Variants in AGBL1 observed in about 807,000 individuals in gnomAD.
The protein encoded by AGBL1 is cytosolic carboxypeptidase 4.
AGBL1 carries 130 observed loss-of-function variants against 118.9 expected under a neutral mutation model. The observed-to-expected ratio is 1.09, with a 90% CI of 0.95 to 1.26. The LOEUF (loss-of-function observed/expected upper bound fraction) is 1.26, where lower values mean the gene tolerates loss of function less well. Ranked by LOEUF, AGBL1 falls within the 50% of genes most tolerant of loss-of-function variation. AGBL1 has a pLI of 0.00. For synonymous variants in AGBL1, 555 were observed against 478.9 expected (o/e 1.16, Z -2.08); for missense variants, 1,584 against 1,298.1 (o/e 1.22, Z -3.38).
At chr15:86,182,913 C>G (rs1291258181) in intron 5 of AGBL1, among the ~76,000 whole-genome samples, 1 of 152,114 alleles carries the variant, frequency 6.6e-6, no homozygotes, top group Non-Finnish European at 1.5e-5. Context: ...AGGTCTATAC[C>G]CATAGCAAGA....
At chr15:86,750,679 G>A (rs1056498634) in intron 22 of AGBL1, among the ~76,000 whole-genome samples, 5 of 151,930 alleles carry the variant, frequency 3.3e-5, no homozygotes, top group Admixed American at 2.6e-4. Flanking sequence ...ACAAGTGCAG[G>A]TTTGTTGTGT....
intron 5 of AGBL1, among the ~76,000 whole-genome samples, chr15:86,209,243 G>T (rs1228858098): frequency 6.6e-6 from 1 of 152,276 alleles, no homozygotes; most frequent in African/African-American, 2.4e-5. Context: ...CAATTATGTG[G>T]TCTATTTTAG....
At chr15:86,634,474 AATTCT>A (rs1470560987) in intron 21 of AGBL1, among the ~76,000 whole-genome samples, 2 of 152,192 alleles carry the variant, frequency 1.3e-5, no homozygotes, top group Non-Finnish European at 2.9e-5. Context: ...CATAAAGCAC[AATTCT>A]ATTTATAGGA....
At chr15:86,789,791 G>C (rs1233246178) in intron 22 of AGBL1, among the ~76,000 whole-genome samples, 1 of 152,108 alleles carries the variant, frequency 6.6e-6, no homozygotes, top group Admixed American at 6.5e-5. Flanking sequence ...TCTGATGATA[G>C]GGAGCATAAG....
chr15:86,257,316 A>T (rs1347006148), intron 8 of AGBL1, among the ~76,000 whole-genome samples: 1 of 152,202 alleles, frequency 6.6e-6, no homozygotes, highest in African/African-American at 2.4e-5. Flanking sequence ...GTCTATTTAG[A>T]ATCCCATGAT....
chr15:86,143,686 G>A lies in AGBL1; in HGVS notation c.116-13G>A, dbSNP rs775468323. On this transcript the variant is annotated splice_polypyrimidine_tract_variant and intron_variant, in intron 2 of 22. Transcript: ENST00000614907. ...ATTACTTGTGGCTCATCTTTCCTCC[G>A]GTTTCCCCTCAGGCACAGACCGGAG... 5.1e-5 allele frequency: 82 copies of A among 1,611,894 alleles called. No individual in the cohort carries two copies. Among genetic ancestry groups the A allele is most frequent in the African/African-American group, 6.7e-5 (5 of 74,824 alleles).
intron 22 of AGBL1, among the ~76,000 whole-genome samples, chr15:86,858,309 T>G (rs1312161162): frequency 6.6e-6 from 1 of 152,146 alleles, no homozygotes; most frequent in Non-Finnish European, 1.5e-5. Flanking sequence ...TAAAACTCAG[T>G]GTCATGGGGC....
intron 24 of AGBL1, among the ~76,000 whole-genome samples, chr15:86,992,242 A>G (rs1056675408): frequency 6.6e-6 from 1 of 152,108 alleles, no homozygotes; most frequent in South Asian, 2.1e-4. Context: ...TACTGCCAGG[A>G]GGACACCAAG....
rs1321622223 is a variant in AGBL1 at position 86,392,922 on chromosome 15, A to G, written c.2375-4444A>G. ...ACTAAGACTGAGATTGTCAATTGCA[A>G]GAAAAAACCACATGGTATGTGTGGT... On this transcript the variant is annotated intron_variant, in intron 17 of 22. Transcript: ENST00000614907. Among the ~76,000 whole-genome samples the G allele has an allele frequency of 2.0e-5, 3 of 152,300 alleles. No homozygotes were observed. The East Asian group carries it at 5.8e-4, about 29-fold the overall frequency.
At chr15:86,975,558 G>T (rs1444110835) in intron 23 of AGBL1, among the ~76,000 whole-genome samples, 1 of 151,982 alleles carries the variant, frequency 6.6e-6, no homozygotes, top group Non-Finnish European at 1.5e-5. Flanking sequence ...TACAACTAAA[G>T]ACCCTGTCTC....
intron 1 of AGBL1, among the ~76,000 whole-genome samples, chr15:86,115,539 C>T (rs17592813): frequency 0.057 from 8,715 of 152,138 alleles, 390 homozygotes; most frequent in South Asian, 0.13. Flanking sequence ...TTGTAAAGGC[C>T]GGAGGTAGTG....
At chr15:86,616,576 T>C (rs753615440) in intron 21 of AGBL1, among the ~76,000 whole-genome samples, 3 of 152,136 alleles carry the variant, frequency 2.0e-5, no homozygotes, top group Non-Finnish European at 4.4e-5. Flanking sequence ...TTGTTATTGA[T>C]TTAACTTGCT....
intron 22 of AGBL1, among the ~76,000 whole-genome samples, chr15:86,762,733 T>C (rs1368292906): frequency 6.6e-6 from 1 of 152,004 alleles, no homozygotes; most frequent in East Asian, 1.9e-4. Context: ...GGTTTCTTTA[T>C]CTCTGAAAAC....
At chr15:86,124,179 A>G (rs763385835) in intron 1 of AGBL1, among the ~76,000 whole-genome samples, 8 of 151,972 alleles carry the variant, frequency 5.3e-5, no homozygotes, top group Non-Finnish European at 1.0e-4. Context: ...AAAATACAAA[A>G]TGTAGCGGGG....
intron 22 of AGBL1, among the ~76,000 whole-genome samples, chr15:86,772,154 C>A (rs2078191434): frequency 6.6e-6 from 1 of 151,986 alleles, no homozygotes; most frequent in African/African-American, 2.4e-5. Context: ...TGGGAAACCA[C>A]CTCTCCTCTA....
chr15:86,509,111 T>G (rs112405156), intron 18 of AGBL1, among the ~76,000 whole-genome samples: 14 of 152,276 alleles, frequency 9.2e-5, no homozygotes, highest in African/African-American at 1.9e-4. Context: ...AGATCCAGAC[T>G]TGAATGCACA....
At chr15:86,737,847 T>G (rs2077623619) in intron 22 of AGBL1, among the ~76,000 whole-genome samples, 1 of 152,192 alleles carries the variant, frequency 6.6e-6, no homozygotes, top group African/African-American at 2.4e-5. Context: ...TAAATGGGCT[T>G]CATGAAATTA....
chr15:86,927,460 C>G (rs1349380760), intron 23 of AGBL1, among the ~76,000 whole-genome samples: 1 of 151,402 alleles, frequency 6.6e-6, no homozygotes, highest in Non-Finnish European at 1.5e-5. Context: ...GTGGCACAGG[C>G]CTATAAGTCC....
chr15:86,534,799 C>G lies in AGBL1; in HGVS notation c.2686-11203C>G, dbSNP rs148150328. Among the ~76,000 whole-genome samples, 635 of 152,292 alleles carry G rather than the reference C, an allele frequency of 4.2e-3. 4 individuals are homozygous for G. Among genetic ancestry groups the G allele is most frequent in the African/African-American group, 0.014 (592 of 41,554 alleles). ...AGCTAGACACTAAAGACTACATACT[C>G]TATTCTCTATGTGTCTGTTTATGTA... is the stretch of plus-strand genomic sequence containing the variant. On this transcript the variant is annotated intron_variant, in intron 19 of 22. Coordinates refer to ENST00000614907, the MANE Select transcript of AGBL1 (RefSeq NM_001386094.1).
Sources: gnomAD v4.1 joint callset for allele counts (sites outside exome capture counted in the v4.1 genomes callset) on GRCh38, gnomAD v4.1.1 for gene constraint, MANE v1.5 for transcripts, NCBI Gene and HGNC (gene_info 2026-07-23, HGNC 2026-07-21) for gene names.